Variants in RIMS2 observed in about 807,000 individuals in gnomAD.
RIMS2 encodes the protein regulating synaptic membrane exocytosis 2, also known as regulating synaptic membrane exocytosis protein 2.
In RIMS2, 59 loss-of-function variants were observed where a neutral mutation model predicts 174.4. The ratio of observed to expected loss-of-function variants is 0.34; its 90% CI spans 0.27 to 0.42. RIMS2 has a LOEUF of 0.42. RIMS2 is among the 10% of genes least tolerant of loss of function. The pLI, the probability that RIMS2 is intolerant of heterozygous loss-of-function variation, is 1.00. For missense variants in RIMS2, 1,620 were observed against 1,666.3 expected (o/e 0.97, Z 0.48); for synonymous variants, 606 against 572.5 (o/e 1.06, Z -0.84).
At chr8:104,218,356 A>G (rs181054463) in intron 19 of RIMS2, among the ~76,000 whole-genome samples, 9 of 151,752 alleles carry the variant, frequency 5.9e-5, no homozygotes, top group Admixed American at 5.9e-4. Context: ...TTCCCTTGGT[A>G]TTAGCCAGCA....
chr8:103,615,438 C>T (rs1344826902), intron 1 of RIMS2, among the ~76,000 whole-genome samples: 1 of 152,022 alleles, frequency 6.6e-6, no homozygotes, highest in South Asian at 2.1e-4. Context: ...AAAGATCTCA[C>T]ATTAACAACC....
At chr8:104,101,409 A>G (rs1169819492) in intron 19 of RIMS2, among the ~76,000 whole-genome samples, 2 of 152,064 alleles carry the variant, frequency 1.3e-5, no homozygotes, top group African/African-American at 4.8e-5. Flanking sequence ...GATTACAGGC[A>G]TGAGCCACCG....
chr8:103,762,020 A>ATT (rs201961741), intron 2 of RIMS2, among the ~76,000 whole-genome samples: 1,466 of 139,794 alleles, frequency 0.01, 8 homozygotes, highest in African/African-American at 0.015. Flanking sequence ...CCTAATGTAA[A>ATT]TTTTTTTTTT....
At chr8:103,865,284 C>CTTTTTTTTTTTTTTTTTTT (rs67300843) in intron 3 of RIMS2, among the ~76,000 whole-genome samples, 1 of 119,732 alleles carries the variant, frequency 8.4e-6, no homozygotes, top group African/African-American at 3.2e-5. Flanking sequence ...CAGTTTTTTT[C>CTTTTTTTTTTTTTTTTTTT]TTTTTTTTTT....
intron 2 of RIMS2, among the ~76,000 whole-genome samples, chr8:103,753,695 G>C (rs1414419024): frequency 6.6e-6 from 1 of 152,118 alleles, no homozygotes; most frequent in African/African-American, 2.4e-5. Context: ...ATTTCTTCTT[G>C]ATTTTCTAAT....
intron 1 of RIMS2, among the ~76,000 whole-genome samples, chr8:103,580,560 A>G (rs1040137676): frequency 3.3e-5 from 5 of 152,144 alleles, no homozygotes; most frequent in Non-Finnish European, 7.3e-5. Context: ...TACATAAAGC[A>G]AACATTAATA....
chr8:104,134,512 G>T (rs979641158), intron 19 of RIMS2, among the ~76,000 whole-genome samples: 1 of 152,166 alleles, frequency 6.6e-6, no homozygotes, highest in African/African-American at 2.4e-5. Context: ...TTGTCTGCAG[G>T]TAATCTGAAT....
chr8:103,584,929 G>C (rs1588292649), intron 1 of RIMS2, among the ~76,000 whole-genome samples: 1 of 143,160 alleles, frequency 7.0e-6, no homozygotes, highest in Non-Finnish European at 1.5e-5. Flanking sequence ...TCCAATCAAA[G>C]ATATAAACTG....
At chr8:103,739,436 A>T (rs1169318917) in intron 2 of RIMS2, among the ~76,000 whole-genome samples, 1 of 152,220 alleles carries the variant, frequency 6.6e-6, no homozygotes, top group Non-Finnish European at 1.5e-5. Context: ...GTAAATGACG[A>T]GTTAATGGGT....
At chr8:103,743,106 C>A (rs2097776300) in intron 2 of RIMS2, among the ~76,000 whole-genome samples, 1 of 152,140 alleles carries the variant, frequency 6.6e-6, no homozygotes, top group African/African-American at 2.4e-5. Flanking sequence ...GGGTGTATAA[C>A]TGTAGCATCA....
chr8:103,920,682 C>A (rs1032885676), intron 9 of RIMS2: 1 of 457,300 alleles, frequency 2.2e-6, no homozygotes, highest in East Asian at 6.9e-5. Flanking sequence ...TTTTATACAT[C>A]CATTCCCTTA....
At chr8:104,108,398 C>T (rs1465941436) in intron 19 of RIMS2, among the ~76,000 whole-genome samples, 2 of 151,972 alleles carry the variant, frequency 1.3e-5, no homozygotes, top group African/African-American at 4.8e-5. Context: ...CTCAAGAGAT[C>T]TTCCTGCCTC....
At chr8:103,692,937 A>G (rs1172041180) in intron 1 of RIMS2, among the ~76,000 whole-genome samples, 1 of 152,198 alleles carries the variant, frequency 6.6e-6, no homozygotes, top group Non-Finnish European at 1.5e-5. Flanking sequence ...CCAGCACAGA[A>G]TCAGGAATTG....
At chr8:103,854,575 G>A (rs2099017023) in intron 3 of RIMS2, among the ~76,000 whole-genome samples, 1 of 151,616 alleles carries the variant, frequency 6.6e-6, no homozygotes, top group South Asian at 2.1e-4. Context: ...TAATCATGAA[G>A]AGATGTTGGA....
intron 1 of RIMS2, among the ~76,000 whole-genome samples, chr8:103,624,826 T>C (rs1564067634): frequency 6.6e-6 from 1 of 152,180 alleles, no homozygotes; most frequent in Non-Finnish European, 1.5e-5. Context: ...TTTTCATCTT[T>C]ATACATATCT....
intron 19 of RIMS2, among the ~76,000 whole-genome samples, chr8:104,129,355 G>A (rs189337311): frequency 1.2e-3 from 186 of 152,214 alleles, no homozygotes; most frequent in African/African-American, 4.3e-3. Flanking sequence ...ACTACACTCC[G>A]GCCTGGGAAC....
In RIMS2 at chr8:104,153,127, G is replaced by A. The variant is rs140347950; in HGVS notation, c.3335-91789G>A. The stretch of plus-strand genomic sequence containing the variant: ...AGGTATGTTGACCAACACACATAGA[G>A]GCTAAGTTATAACTCTCTTCTGTCA... On this transcript the variant is annotated intron_variant, in intron 19 of 23. Coordinates refer to ENST00000504942, the Ensembl canonical transcript of RIMS2. Among the ~76,000 whole-genome samples the A allele has an allele frequency of 1.9e-3, 295 of 152,210 alleles. 1 individual carries two copies. Among genetic ancestry groups the A allele is most frequent in the African/African-American group, 6.5e-3 (271 of 41,560 alleles).
chr8:103,727,026 C>T (rs918350231), intron 2 of RIMS2, among the ~76,000 whole-genome samples: 16 of 151,308 alleles, frequency 1.1e-4, no homozygotes, highest in African/African-American at 3.1e-4. Flanking sequence ...TGTGAGCCAC[C>T]GCACCCAGCC....
intron 1 of RIMS2, among the ~76,000 whole-genome samples, chr8:103,528,955 G>A (rs1475575594): frequency 1.3e-5 from 2 of 152,074 alleles, no homozygotes; most frequent in Non-Finnish European, 2.9e-5. Flanking sequence ...TGATGGGGAT[G>A]GCATTGAATC....
Sources: allele counts gnomAD v4.1 joint callset (sites outside exome capture counted in the v4.1 genomes callset), GRCh38; gene constraint gnomAD v4.1.1; transcripts MANE v1.5; gene names NCBI Gene and HGNC (gene_info 2026-07-23, HGNC 2026-07-21).